The following CACNB2 variants were observed in gnomAD, a reference collection of about 807,000 sequenced individuals.
CACNB2 encodes the protein calcium voltage-gated channel auxiliary subunit beta 2, also known as voltage-dependent L-type calcium channel subunit beta-2.
A neutral mutation model predicts 73.3 loss-of-function variants in CACNB2; 42 were observed. The observed-to-expected ratio is 0.57, with a 90% confidence interval of 0.45 to 0.74. CACNB2 has a LOEUF of 0.74. Ranked by LOEUF, CACNB2 falls within the 30% of genes least tolerant of loss-of-function variation. CACNB2 has a pLI of 0.00. For missense variants in CACNB2, 940 were observed against 853.0 expected (o/e 1.10, Z -1.27); for synonymous variants, 348 against 310.3 (o/e 1.12, Z -1.28).
chr10:18,371,764 T>A (rs1424427874), intron 2 of CACNB2, among the ~76,000 whole-genome samples: 1 of 152,204 alleles, frequency 6.6e-6, no homozygotes, highest in Non-Finnish European at 1.5e-5. Context: ...TCTAGATCCC[T>A]GAGGAATCAC....
At chr10:18,227,366 G>A (rs11013081) in intron 2 of CACNB2, among the ~76,000 whole-genome samples, 2,214 of 152,122 alleles carry the variant, frequency 0.015, 40 homozygotes, top group East Asian at 0.094. Flanking sequence ...GGAGGCTCTG[G>A]AGGCTTCCAT....
At chr10:18,241,999 A>G (rs1490516415) in intron 2 of CACNB2, among the ~76,000 whole-genome samples, 1 of 152,078 alleles carries the variant, frequency 6.6e-6, no homozygotes, top group Admixed American at 6.6e-5. Flanking sequence ...CACCAATTTT[A>G]TATTTATTTC....
intron 2 of CACNB2, among the ~76,000 whole-genome samples, chr10:18,292,451 T>C (rs2039104001): frequency 6.6e-6 from 1 of 152,080 alleles, no homozygotes; most frequent in Non-Finnish European, 1.5e-5. Context: ...AGGTCAAGAG[T>C]TCGAGACCAG....
chr10:18,398,067 T>C (rs529467454), intron 2 of CACNB2, among the ~76,000 whole-genome samples: 1 of 152,256 alleles, frequency 6.6e-6, no homozygotes, highest in East Asian at 1.9e-4. Flanking sequence ...TCCGGAGTTA[T>C]GGAAACGACC....
chr10:18,307,983 CTTTTTTTTTT>C (rs869311555), intron 2 of CACNB2, among the ~76,000 whole-genome samples: 10 of 70,244 alleles, frequency 1.4e-4, no homozygotes, highest in African/African-American at 4.8e-4. Context: ...TATATGCCAA[CTTTTTTTTTT>C]TTTTTTTTTT....
intron 2 of CACNB2, among the ~76,000 whole-genome samples, chr10:18,217,377 G>A (rs1026446736): frequency 1.3e-5 from 2 of 151,992 alleles, no homozygotes; most frequent in African/African-American, 2.4e-5. Context: ...CCAGTAACTC[G>A]GTAGGCTGAG....
At chr10:18,272,369 G>A (rs947589429) in intron 2 of CACNB2, among the ~76,000 whole-genome samples, 1 of 152,070 alleles carries the variant, frequency 6.6e-6, no homozygotes, top group Non-Finnish European at 1.5e-5. Flanking sequence ...TCTCCCCCAA[G>A]GTTCTATGCC....
chr10:18,411,228 C>T (rs998076585), intron 3 of CACNB2, among the ~76,000 whole-genome samples: 5 of 151,494 alleles, frequency 3.3e-5, no homozygotes, highest in South Asian at 2.1e-4. Context: ...TGTTCAAATA[C>T]GCATTAGCTT....
intron 3 of CACNB2, among the ~76,000 whole-genome samples, chr10:18,433,581 G>T (rs1248681483): frequency 6.6e-6 from 1 of 152,044 alleles, no homozygotes; most frequent in Non-Finnish European, 1.5e-5. Flanking sequence ...GTAATAGCTG[G>T]TCTTGGTAAA....
At chr10:18,226,315 C>G (rs1223230243) in intron 2 of CACNB2, among the ~76,000 whole-genome samples, 1 of 152,230 alleles carries the variant, frequency 6.6e-6, no homozygotes, top group Non-Finnish European at 1.5e-5. Context: ...GTGTGAGCCA[C>G]CGCCCCCAGA....
intron 2 of CACNB2, among the ~76,000 whole-genome samples, chr10:18,380,564 C>T (rs1331681180): frequency 2.0e-5 from 3 of 149,236 alleles, no homozygotes; most frequent in East Asian, 2.0e-4. Context: ...AAGCGATTCT[C>T]CTGCCTCAGC....
intron 3 of CACNB2, among the ~76,000 whole-genome samples, chr10:18,462,321 C>T (rs1042116931): frequency 2.6e-5 from 4 of 151,830 alleles, no homozygotes; most frequent in East Asian, 1.9e-4. Flanking sequence ...TGGTACAATC[C>T]GCAGCTCACT....
intron 1 of CACNB2, among the ~76,000 whole-genome samples, chr10:18,142,689 G>A (rs2030545090): frequency 6.6e-6 from 1 of 152,296 alleles, no homozygotes; most frequent in South Asian, 2.1e-4. Flanking sequence ...ATTCAGATAA[G>A]AGATACTAAT....
At chr10:18,165,230 A>G (rs1011472571) in intron 2 of CACNB2, among the ~76,000 whole-genome samples, 2 of 152,166 alleles carry the variant, frequency 1.3e-5, no homozygotes, top group African/African-American at 4.8e-5. Flanking sequence ...AGAAATTGGG[A>G]AGGAATGCGT....
chr10:18,450,203 A>G (rs1312619136), intron 3 of CACNB2, among the ~76,000 whole-genome samples: 1 of 152,192 alleles, frequency 6.6e-6, no homozygotes, highest in East Asian at 1.9e-4. Flanking sequence ...ATTTCTCTTT[A>G]TGTCTGCCTT....
In CACNB2 at chr10:18,231,386, C is replaced by T. The variant is rs577667296; in HGVS notation, c.213+80411C>T. ...TAGAGATGGGGTTTCGCCATGTTGG[C>T]CAGGCTGGTCTCAAACTCTTGACCT... On this transcript the variant is annotated intron_variant, in intron 2 of 13. Transcript: ENST00000324631. Among the ~76,000 whole-genome samples, 6 of 152,236 alleles carry T rather than the reference C, an allele frequency of 3.9e-5. No individual in the cohort carries two copies. In the East Asian group the frequency reaches 9.7e-4, roughly 25 times the overall value.
At chr10:18,401,119 G>A (rs764703043) in intron 2 of CACNB2, 9 of 1,613,958 alleles carry the variant, frequency 5.6e-6, no homozygotes, top group Admixed American at 3.3e-5. Flanking sequence ...AAGGGCTTTC[G>A]TTTGTGGGGA....
chr10:18,188,411 A>G (rs565958204), intron 2 of CACNB2, among the ~76,000 whole-genome samples: 110 of 152,108 alleles, frequency 7.2e-4, no homozygotes, highest in African/African-American at 2.6e-3. Context: ...GGTTCAAGCA[A>G]TCTTCCCGCC....
intron 2 of CACNB2, among the ~76,000 whole-genome samples, chr10:18,318,161 A>G (rs1046116129): frequency 6.6e-6 from 1 of 152,206 alleles, no homozygotes; most frequent in East Asian, 1.9e-4. Flanking sequence ...GAGCCTGTAT[A>G]GTCAAAACAG....
Sources: allele counts gnomAD v4.1 joint callset (sites outside exome capture counted in the v4.1 genomes callset), GRCh38; gene constraint gnomAD v4.1.1; transcripts MANE v1.5; gene names NCBI Gene and HGNC (gene_info 2026-07-23, HGNC 2026-07-21).